The following OPRM1 variants were observed in gnomAD, a reference collection of about 807,000 sequenced individuals.
The protein encoded by OPRM1 is opioid receptor mu 1, also known as mu-type opioid receptor.
Under a neutral mutation model 31.8 loss-of-function variants are expected in OPRM1, and 27 were observed. The observed-to-expected ratio is 0.85, with a 90% CI of 0.63 to 1.17. The LOEUF (loss-of-function observed/expected upper bound fraction) is 1.17, where lower values mean the gene tolerates loss of function less well. Ranked by LOEUF, OPRM1 falls within the 50% of genes most tolerant of loss-of-function variation. The pLI is 0.00. For synonymous variants in OPRM1, 196 were observed against 189.9 expected (o/e 1.03, Z -0.26); for missense variants, 536 against 511.1 (o/e 1.05, Z -0.47).
At chr6:154,195,529 C>A (rs1776542656) in intron 3 of OPRM1, among the ~76,000 whole-genome samples, 1 of 152,144 alleles carries the variant, frequency 6.6e-6, no homozygotes, top group Admixed American at 6.5e-5. Flanking sequence ...AATTAAGGAA[C>A]ACCTATCCCA....
chr6:154,179,015 T>C (rs1237772995), intron 3 of OPRM1, among the ~76,000 whole-genome samples: 1 of 152,232 alleles, frequency 6.6e-6, no homozygotes, highest in Non-Finnish European at 1.5e-5. Flanking sequence ...CACTAAATAC[T>C]CAGGGGATGC....
intron 1 of OPRM1, among the ~76,000 whole-genome samples, chr6:154,053,712 C>G (rs1782644174): frequency 6.6e-6 from 1 of 152,290 alleles, no homozygotes; most frequent in East Asian, 1.9e-4. Flanking sequence ...AATGACTGCC[C>G]TTTGATCTGC....
chr6:154,186,525 T>C (rs1159380973), intron 3 of OPRM1, among the ~76,000 whole-genome samples: 2 of 152,124 alleles, frequency 1.3e-5, no homozygotes, highest in East Asian at 1.9e-4. Context: ...CTCATGTCCG[T>C]GCACGGAGCC....
chr6:154,102,137 G>T (rs1794923918), intron 3 of OPRM1, among the ~76,000 whole-genome samples: 4 of 151,972 alleles, frequency 2.6e-5, no homozygotes, highest in Admixed American at 2.6e-4. Context: ...ACAGGGTTTT[G>T]CCGTGTTGCG....
intron 3 of OPRM1, chr6:154,212,737 G>T: frequency 2.1e-6 from 3 of 1,415,066 alleles, no homozygotes; most frequent in Non-Finnish European, 3.0e-6. Flanking sequence ...ATGTCTGATC[G>T]ATGACCAACA....
intron 3 of OPRM1, among the ~76,000 whole-genome samples, chr6:154,171,140 T>C (rs755012204): frequency 1.4e-4 from 21 of 152,188 alleles, no homozygotes; most frequent in Admixed American, 2.6e-4. Context: ...ATTGAAAACA[T>C]ATATTCACAC....
chr6:154,022,032 A>T (rs1368519168), intron 1 of OPRM1, among the ~76,000 whole-genome samples: 1 of 152,214 alleles, frequency 6.6e-6, no homozygotes, highest in African/African-American at 2.4e-5. Context: ...GGTTGGTGAA[A>T]GGAGACGTCC....
At chr6:154,083,534 G>C (rs1465146349) in intron 1 of OPRM1, 2 of 146,288 alleles carry the variant, frequency 1.4e-5, no homozygotes, top group Non-Finnish European at 3.0e-5. Flanking sequence ...TGCTCTGTCT[G>C]AAAGATACTC....
chr6:154,065,599 A>G (rs917923686), intron 1 of OPRM1, among the ~76,000 whole-genome samples: 1 of 152,106 alleles, frequency 6.6e-6, no homozygotes, highest in Non-Finnish European at 1.5e-5. Flanking sequence ...ACTGATTTTT[A>G]TATGTTGACT....
At chr6:154,099,177 C>T (rs1793922286) in intron 3 of OPRM1, among the ~76,000 whole-genome samples, 1 of 151,848 alleles carries the variant, frequency 6.6e-6, no homozygotes, top group African/African-American at 2.4e-5. Context: ...TCTAGCTACT[C>T]AGGAGGCTAA....
chr6:154,213,178 T>C, intron 3 of OPRM1: 1 of 283,528 alleles, frequency 3.5e-6, no homozygotes, highest in Non-Finnish European at 6.8e-6. Context: ...GTGATTAATT[T>C]TGATTGTAGG....
At chr6:154,176,700 C>T (rs4870270) in intron 3 of OPRM1, among the ~76,000 whole-genome samples, 53,083 of 152,046 alleles carry the variant, frequency 0.35, 9,644 homozygotes, top group Middle Eastern at 0.47. Flanking sequence ...ACATTCCATG[C>T]TCATGGATAG....
intron 3 of OPRM1, chr6:154,219,232 T>C (rs1397448048): frequency 1.3e-5 from 2 of 152,182 alleles, no homozygotes; most frequent in African/African-American, 2.4e-5. Context: ...TGCACCTTAC[T>C]GTGTAGGAGG....
downstream of OPRM1, among the ~76,000 whole-genome samples, chr6:154,136,339 G>A (rs1253358809): frequency 3.3e-5 from 5 of 152,080 alleles, no homozygotes; most frequent in East Asian, 7.7e-4. Flanking sequence ...TATTTAATAC[G>A]AAGAACACTC....
At chr6:154,179,377 A>G (rs1336927936) in intron 3 of OPRM1, among the ~76,000 whole-genome samples, 1 of 152,216 alleles carries the variant, frequency 6.6e-6, no homozygotes, top group Non-Finnish European at 1.5e-5. Flanking sequence ...AGAATTTCAT[A>G]GTAGAAAACA....
At chr6:154,037,953 G>C (rs1258084434), upstream of OPRM1, among the ~76,000 whole-genome samples, 1 of 152,072 alleles carries the variant, frequency 6.6e-6, no homozygotes, top group Non-Finnish European at 1.5e-5. Context: ...TAAGAGAATT[G>C]TTACATTAGT....
At chr6:154,219,497 T>G (rs1201885038) in intron 3 of OPRM1, among the ~76,000 whole-genome samples, 1 of 152,132 alleles carries the variant, frequency 6.6e-6, no homozygotes, top group East Asian at 1.9e-4. Context: ...AAAGACCATT[T>G]GGGATGAACT....
At chr6:154,070,592 AT>A (rs962809529) in intron 1 of OPRM1, among the ~76,000 whole-genome samples, 12 of 152,198 alleles carry the variant, frequency 7.9e-5, no homozygotes, top group Non-Finnish European at 1.8e-4. Flanking sequence ...CTCCATTATT[AT>A]TTAATTTGTT....
At chr6:154,192,414 T>C (rs535729110) in intron 3 of OPRM1, among the ~76,000 whole-genome samples, 1 of 152,172 alleles carries the variant, frequency 6.6e-6, no homozygotes, top group South Asian at 2.1e-4. Context: ...TCTATGTATA[T>C]GATACTTTTC....
Sources: gnomAD v4.1 joint callset for allele counts (sites outside exome capture counted in the v4.1 genomes callset) on GRCh38, gnomAD v4.1.1 for gene constraint, MANE v1.5 for transcripts, NCBI Gene and HGNC (gene_info 2026-07-23, HGNC 2026-07-21) for gene names.